The following NUP37 variants were observed in gnomAD, a reference collection of about 807,000 sequenced individuals.
NUP37 encodes the protein nucleoporin Nup37.
Under a neutral mutation model 45.4 loss-of-function variants are expected in NUP37, and 33 were observed. The ratio of observed to expected loss-of-function variants is 0.73; its 90% confidence interval spans 0.55 to 0.97. The LOEUF (loss-of-function observed/expected upper bound fraction) is 0.97, where lower values mean the gene tolerates loss of function less well. NUP37 is among the 50% of genes least tolerant of loss of function. The probability of loss-of-function intolerance (pLI) is 0.00; values close to 1 mark genes in which losing one functional copy is unlikely to be tolerated. For synonymous variants in NUP37, 127 were observed against 130.7 expected, an observed-to-expected ratio of 0.97 and a Z score of 0.19; for missense variants, 365 against 389.7, an observed-to-expected ratio of 0.94 and a Z score of 0.53.
At chr12:102,086,062 T>C (rs936769322) in intron 5 of NUP37, among the ~76,000 whole-genome samples, 3 of 152,192 alleles carry the variant, frequency 2.0e-5, no homozygotes, top group African/African-American at 4.8e-5. Flanking sequence ...ACCATAATCA[T>C]GGACAAAAGA....
chr12:102,085,706 T>C lies in NUP37; in HGVS notation c.540+60A>G, dbSNP rs533190147. 3.3e-4 allele frequency: 248 copies of C among 750,184 alleles called. 1 individual carries two copies. The South Asian group carries it at 4.3e-3, about 13-fold the overall frequency. The allele number at this position is 750,184 out of a possible 1,614,324, so 46.5% of individuals were successfully genotyped here. On this transcript the variant is annotated intron_variant, in intron 6 of 9. Transcript: ENST00000552283. ...TGATCTTCCTCCTCTATGTATGTGA[T>C]GTCTTATATCTCTATAAGTCTTTTC...
rs945633540 is a variant in NUP37, at chr12:102,099,874, C to A, written c.355-674G>T. Among the ~76,000 whole-genome samples, 3 of 152,114 alleles carry A rather than the reference C, an allele frequency of 2.0e-5. No homozygotes were observed. The South Asian group carries it at 6.2e-4, about 32-fold the overall frequency. ...GTCAGATAATTACTTTAATGGTTATCATTCTTTCTACCCTTCCTTCTTTCC... is the reference window on the plus strand; with the variant it reads ...GTCAGATAATTACTTTAATGGTTATAATTCTTTCTACCCTTCCTTCTTTCC... On this transcript the variant is annotated intron_variant, in intron 4 of 9. Coordinates refer to ENST00000552283, the MANE Select transcript of NUP37 (RefSeq NM_024057.4).
chr12:102,116,317 T>G (rs780805458), intron 2 of NUP37, among the ~76,000 whole-genome samples: 21 of 152,358 alleles, frequency 1.4e-4, no homozygotes, highest in Non-Finnish European at 2.9e-4. Flanking sequence ...TTGTTATTAA[T>G]TTTAAAAGTA....
chr12:102,097,810 C>T (rs919129770), intron 5 of NUP37, among the ~76,000 whole-genome samples: 1 of 152,096 alleles, frequency 6.6e-6, no homozygotes, highest in Non-Finnish European at 1.5e-5. Flanking sequence ...ACTATACAAA[C>T]TTGGTTTTGT....
intron 6 of NUP37, among the ~76,000 whole-genome samples, chr12:102,079,749 A>C (rs1379618135): frequency 6.6e-6 from 1 of 152,174 alleles, no homozygotes; most frequent in African/African-American, 2.4e-5. Context: ...TTACACAGTA[A>C]AATTACCCAC....
Position 102,074,177 on chromosome 12 carries a change from A to G in NUP37, c.*177T>C. On this transcript the variant is annotated 3_prime_UTR_variant, in exon 10 of 10. Coordinates refer to ENST00000552283, the MANE Select transcript of NUP37 (RefSeq NM_024057.4). Reference sequence around the variant, plus strand: ...ATATATATATACACACACAGAGAACAGAGTAGAAAAATAATTTTTCAAACC... The same window carrying G: ...ATATATATATACACACACAGAGAACGGAGTAGAAAAATAATTTTTCAAACC... 2.3e-6 allele frequency: 1 copy of G among 437,066 alleles called. No homozygotes were observed. The highest frequency in any genetic ancestry group is 4.0e-6 in the Non-Finnish European group (1 of 247,096). 27.1% of individuals were successfully genotyped at this position (437,066 alleles called of 1,614,324 possible). A position where few individuals can be genotyped will look rare whatever the true frequency, so the allele number is the denominator to read the frequency against.
chr12:102,089,660 C>T lies in NUP37; in HGVS notation c.450-3804G>A, dbSNP rs189687328. On this transcript the variant is annotated intron_variant, in intron 5 of 9. Transcript: ENST00000552283. ...CAGACGATGAGCGGCTGGGCAGAGGCGCTCCTCACTTCCCAGACGGGGCAG... is the reference window on the plus strand; with the variant it reads ...CAGACGATGAGCGGCTGGGCAGAGGTGCTCCTCACTTCCCAGACGGGGCAG... Among the ~76,000 whole-genome samples the T allele has an allele frequency of 7.1e-3, 1,050 of 148,642 alleles. 34 individuals are homozygous for T. The highest frequency in any genetic ancestry group is 0.057 in the Admixed American group (852 of 14,902).
chr12:102,118,692 A>G, intron 1 of NUP37, 109 bp from the exon 2 acceptor site: 1 of 561,972 alleles, frequency 1.8e-6, no homozygotes, highest in Non-Finnish European at 3.1e-6. Flanking sequence ...CTCAAAAGAA[A>G]CATTTAAAGT....
At chr12:102,118,297 G>T (rs991745700) in intron 2 of NUP37, 66 bp downstream of exon 2, 75 of 1,367,942 alleles carry the variant, frequency 5.5e-5, no homozygotes, top group South Asian at 3.9e-4. Context: ...TTTAGATTTG[G>T]TTTGTGTAAG....
intron 2 of NUP37, among the ~76,000 whole-genome samples, chr12:102,112,963 T>C (rs1449230145): frequency 2.0e-5 from 3 of 152,222 alleles, no homozygotes; most frequent in Non-Finnish European, 4.4e-5. Context: ...GAATAAATGC[T>C]TAATAAAGTT....
chr12:102,099,265 T>C, intron 4 of NUP37, 65 bp from the exon 5 acceptor site: 2 of 1,144,300 alleles, frequency 1.7e-6, no homozygotes, highest in Non-Finnish European at 2.6e-6. Context: ...TATTCCTACA[T>C]AATATTTTTG....
At chr12:102,105,795 G>A (rs1476856325) in intron 3 of NUP37, among the ~76,000 whole-genome samples, 1 of 150,006 alleles carries the variant, frequency 6.7e-6, no homozygotes, top group Middle Eastern at 3.2e-3. Context: ...CTGGGAGGTG[G>A]AGGTTGCAGT....
intron 3 of NUP37, among the ~76,000 whole-genome samples, chr12:102,104,420 T>C (rs527291153): frequency 3.3e-5 from 5 of 152,200 alleles, no homozygotes; most frequent in South Asian, 4.1e-4. Context: ...ATTCTATGGG[T>C]TGCCTTTTGA....
Position 102,074,468 on chromosome 12 carries a change from C to T in NUP37, c.868-1G>A. 6.4e-7 allele frequency: 1 copy of T among 1,572,568 alleles called. No individual in the cohort carries two copies. Among genetic ancestry groups the T allele is most frequent in the Non-Finnish European group, 8.7e-7 (1 of 1,152,414 alleles). ...CGGCTACAGAACCCATGAGGATGGG[C>T]TATAAAATATGTGAAGAATTAAAGA... is the stretch of plus-strand genomic sequence containing the variant. On this transcript the variant is annotated splice_acceptor_variant, in intron 9 of 9. Transcript: ENST00000552283. LOFTEE classifies it high-confidence loss of function.
chr12:102,110,660 G>A (rs979864426), intron 3 of NUP37, among the ~76,000 whole-genome samples: 1 of 152,166 alleles, frequency 6.6e-6, no homozygotes, highest in African/African-American at 2.4e-5. Flanking sequence ...CTGGGCAACA[G>A]GCAAATCCCT....
chr12:102,118,426 ATC>A lies in NUP37; in HGVS notation c.91_92del (p.Asp31PhefsTer11). On this transcript the variant is annotated frameshift_variant, in exon 2 of 10. Coordinates refer to ENST00000552283, the MANE Select transcript of NUP37 (RefSeq NM_024057.4). LOFTEE classifies it high-confidence loss of function. ...CACCATATGCAATTAGGTTTCCTGA[ATC>A]CCCATTCTCAAAGGGATTAAATTCT... ...VVEFNPFENGDSGNLIAYGGN... is the reference protein window; with the variant it reads ...VVEFNPFENGXSGNLIAYGGN... The A allele has an allele frequency of 6.2e-7, 1 of 1,614,078 alleles. No individual in the cohort carries two copies. The highest frequency in any genetic ancestry group is 8.5e-7 in the Non-Finnish European group (1 of 1,179,990).
chr12:102,106,315 T>C (rs1565835640), intron 3 of NUP37, among the ~76,000 whole-genome samples: 1 of 152,380 alleles, frequency 6.6e-6, no homozygotes, highest in African/African-American at 2.4e-5. Flanking sequence ...CCATCATAAA[T>C]AGTATACAAA....
intron 6 of NUP37, among the ~76,000 whole-genome samples, chr12:102,078,364 T>C (rs533636636): frequency 1.4e-4 from 21 of 152,216 alleles, no homozygotes; most frequent in African/African-American, 4.1e-4. Flanking sequence ...TGGTAGAATT[T>C]TAAGTGATGA....
chr12:102,103,892 C>A (rs1213307543), intron 3 of NUP37, among the ~76,000 whole-genome samples: 1 of 152,124 alleles, frequency 6.6e-6, no homozygotes, highest in Non-Finnish European at 1.5e-5. Flanking sequence ...CTATGACGAG[C>A]CCACAGGTAA....
Sources: allele counts gnomAD v4.1 joint callset (sites outside exome capture counted in the v4.1 genomes callset), GRCh38; gene constraint gnomAD v4.1.1; transcripts MANE v1.5; gene names NCBI Gene and HGNC (gene_info 2026-07-23, HGNC 2026-07-21).